Variants in TBC1D5 observed in about 807,000 individuals in gnomAD.
The protein encoded by TBC1D5 is TBC1 domain family, member 5.
TBC1D5 carries 75 observed loss-of-function variants against 100.3 expected under a neutral mutation model. That is an observed-to-expected ratio of 0.75 (90% confidence interval 0.62 to 0.91). The LOEUF is 0.91. TBC1D5 is among the 40% of genes least tolerant of loss of function. The pLI is 0.00. For synonymous variants in TBC1D5, 323 were observed against 325.6 expected, an observed-to-expected ratio of 0.99 and a Z score of 0.09; for missense variants, 910 against 942.4, an observed-to-expected ratio of 0.97 and a Z score of 0.45.
chr3:17,281,418 G>T (rs112006698), intron 15 of TBC1D5, among the ~76,000 whole-genome samples: 1 of 152,218 alleles, frequency 6.6e-6, no homozygotes, highest in Admixed American at 6.5e-5. Context: ...CCATACTCAT[G>T]TATCAAATGT....
At chr3:17,570,587 C>T (rs1487540459) in intron 2 of TBC1D5, among the ~76,000 whole-genome samples, 2 of 152,156 alleles carry the variant, frequency 1.3e-5, no homozygotes, top group East Asian at 3.9e-4. Flanking sequence ...TATTGTATCA[C>T]TTACCTATCT....
chr3:17,738,671 G>A (rs2077158272), intron 1 of TBC1D5, among the ~76,000 whole-genome samples: 1 of 152,154 alleles, frequency 6.6e-6, no homozygotes, highest in African/African-American at 2.4e-5. Flanking sequence ...CAGAAAGCAT[G>A]GCAGAGCTGG....
chr3:17,666,546 A>G (rs75995238), intron 1 of TBC1D5, among the ~76,000 whole-genome samples: 182 of 152,328 alleles, frequency 1.2e-3, no homozygotes, highest in African/African-American at 4.2e-3. Context: ...AATATTGTAT[A>G]TTGATACTTA....
At chr3:17,608,134 G>A (rs141912320) in intron 2 of TBC1D5, among the ~76,000 whole-genome samples, 62 of 152,278 alleles carry the variant, frequency 4.1e-4, no homozygotes, top group Non-Finnish European at 8.1e-4. Context: ...GCGCGTGCCT[G>A]TAATCCCAGA....
chr3:17,406,373 T>G (rs2093770612), intron 5 of TBC1D5, 45 bp downstream of exon 5: 1 of 1,552,884 alleles, frequency 6.4e-7, no homozygotes, highest in Non-Finnish European at 8.8e-7. Flanking sequence ...GGTAATGTGT[T>G]GATATATTGC....
intron 4 of TBC1D5, among the ~76,000 whole-genome samples, chr3:17,423,046 G>C (rs1356667238): frequency 2.6e-5 from 4 of 152,060 alleles, no homozygotes; most frequent in Admixed American, 6.6e-5. Context: ...TTACCAACTT[G>C]AACAGCCTTT....
intron 8 of TBC1D5, among the ~76,000 whole-genome samples, chr3:17,390,794 G>A (rs75336195): frequency 0.02 from 3,110 of 152,126 alleles, 92 homozygotes; most frequent in African/African-American, 0.07. Context: ...ACCACAACAA[G>A]GAACAATTTG....
chr3:17,254,540 C>T (rs1352322564), intron 16 of TBC1D5, among the ~76,000 whole-genome samples: 2 of 151,806 alleles, frequency 1.3e-5, no homozygotes, highest in African/African-American at 2.4e-5. Flanking sequence ...AGTATTTTGC[C>T]TATGTTATAT....
At chr3:17,229,039 C>T (rs1347184327) in intron 17 of TBC1D5, among the ~76,000 whole-genome samples, 1 of 152,036 alleles carries the variant, frequency 6.6e-6, no homozygotes, top group Non-Finnish European at 1.5e-5. Flanking sequence ...GGGCATTTTA[C>T]TAAATAGACA....
intron 3 of TBC1D5, among the ~76,000 whole-genome samples, chr3:17,455,961 TAGAAC>T (rs1474202554): frequency 6.6e-6 from 1 of 151,768 alleles, no homozygotes; most frequent in East Asian, 1.9e-4. Flanking sequence ...CACAGACAAA[TAGAAC>T]AGAATAGAGA....
At position 17,218,365 on chromosome 3, in the gene TBC1D5, A is replaced by T. The variant is rs377397194; in HGVS notation, c.1589-3995T>A. ...CACTTTGCCATTTTCTCCAAAAAAG[A>T]CATCTGGGATTTAGATAGGGATTAC... On this transcript the variant is annotated intron_variant, in intron 17 of 21. Coordinates refer to ENST00000253692, the Ensembl canonical transcript of TBC1D5. Among the ~76,000 whole-genome samples, 18 of 152,186 alleles carry T rather than the reference A, an allele frequency of 1.2e-4. No homozygotes were observed. In the East Asian group the frequency reaches 3.5e-3, roughly 29 times the overall value.
At chr3:17,605,738 T>G (rs1016945543) in intron 2 of TBC1D5, among the ~76,000 whole-genome samples, 1 of 152,202 alleles carries the variant, frequency 6.6e-6, no homozygotes, top group Non-Finnish European at 1.5e-5. Flanking sequence ...TATATTAACA[T>G]GCTCAATTGT....
chr3:17,707,274 G>A (rs1221613921), intron 1 of TBC1D5, among the ~76,000 whole-genome samples: 1 of 151,906 alleles, frequency 6.6e-6, no homozygotes, highest in Non-Finnish European at 1.5e-5. Context: ...TATAAAAAGT[G>A]ATCTCTGTGT....
intron 15 of TBC1D5, among the ~76,000 whole-genome samples, chr3:17,275,367 C>T (rs190440531): frequency 1.0e-3 from 158 of 152,104 alleles, no homozygotes; most frequent in African/African-American, 3.0e-3. Context: ...AGCAAGAAAC[C>T]GTCTCTACGA....
At chr3:17,218,880 T>C (rs1391897862) in intron 17 of TBC1D5, among the ~76,000 whole-genome samples, 1 of 151,898 alleles carries the variant, frequency 6.6e-6, no homozygotes, top group African/African-American at 2.4e-5. Context: ...TATATCTAGG[T>C]GTAGATCTGA....
chr3:17,449,997 G>C (rs1253120220), intron 3 of TBC1D5, among the ~76,000 whole-genome samples: 1 of 152,118 alleles, frequency 6.6e-6, no homozygotes, highest in Non-Finnish European at 1.5e-5. Flanking sequence ...GCTGGCATCT[G>C]GCAGATGCCC....
intron 2 of TBC1D5, among the ~76,000 whole-genome samples, chr3:17,591,376 C>A (rs1441548405): frequency 2.0e-5 from 3 of 151,586 alleles, no homozygotes; most frequent in Non-Finnish European, 2.9e-5. Context: ...GAGGAAGGAC[C>A]CCACTATATT....
intron 3 of TBC1D5, among the ~76,000 whole-genome samples, chr3:17,441,319 G>C (rs1395766767): frequency 2.0e-5 from 3 of 152,140 alleles, no homozygotes; most frequent in Non-Finnish European, 4.4e-5. Context: ...GAATAAATTT[G>C]TAAGTTCGGA....
chr3:17,504,981 G>T (rs995458799), intron 3 of TBC1D5, among the ~76,000 whole-genome samples: 2 of 152,124 alleles, frequency 1.3e-5, no homozygotes, highest in African/African-American at 4.8e-5. Flanking sequence ...GTAATGGAAA[G>T]AAAGGAATAC....
Sources: allele counts gnomAD v4.1 joint callset (sites outside exome capture counted in the v4.1 genomes callset), GRCh38; gene constraint gnomAD v4.1.1; transcripts MANE v1.5; gene names NCBI Gene and HGNC (gene_info 2026-07-23, HGNC 2026-07-21).